The following FBXO11 variants were observed in gnomAD, a reference collection of about 807,000 sequenced individuals.
FBXO11 encodes F-box protein 11, also known as F-box only protein 11.
A neutral mutation model predicts 117.0 loss-of-function variants in FBXO11; 13 were observed. That is an observed-to-expected ratio of 0.11 (90% CI 0.07 to 0.18). The LOEUF is 0.18. Ranked by LOEUF, FBXO11 falls within the 10% of genes least tolerant of loss-of-function variation. The pLI is 1.00. For missense variants in FBXO11, 767 were observed against 1,164.4 expected (o/e 0.66, Z 4.97); for synonymous variants, 490 against 380.5 (o/e 1.29, Z -3.35).
intron 13 of FBXO11, 114 bp downstream of exon 13, chr2:47,822,104 T>TA: frequency 1.4e-6 from 1 of 724,234 alleles, no homozygotes. Context: ...AGAAAAAAAT[T>TA]AAAGAGCTGG....
intron 1 of FBXO11, among the ~76,000 whole-genome samples, chr2:47,864,793 G>A (rs1463052580): frequency 6.6e-6 from 1 of 152,200 alleles, no homozygotes. Context: ...TCAAGTGACA[G>A]AATTGAAAAG....
intron 1 of FBXO11, among the ~76,000 whole-genome samples, chr2:47,861,469 C>A (rs186525968): frequency 2.5e-4 from 38 of 152,128 alleles, no homozygotes; most frequent in African/African-American, 8.7e-4. Context: ...CAGGTGCATA[C>A]CACCATGCCC....
chr2:47,897,800 C>G (rs1318340794), intron 1 of FBXO11, among the ~76,000 whole-genome samples: 1 of 150,910 alleles, frequency 6.6e-6, no homozygotes, highest in East Asian at 1.9e-4. Flanking sequence ...GTGTTGTTCA[C>G]TAGGAAAAAA....
intron 1 of FBXO11, among the ~76,000 whole-genome samples, chr2:47,871,975 T>C (rs1215184930): frequency 6.6e-6 from 1 of 152,238 alleles, no homozygotes; most frequent in African/African-American, 2.4e-5. Context: ...TCTTTAATGA[T>C]CCTTATTTAT....
At chr2:47,820,215 G>C (rs756123279) in intron 14 of FBXO11, 147 bp downstream of exon 14, 3 of 468,968 alleles carry the variant, frequency 6.4e-6, no homozygotes, top group East Asian at 3.1e-5. Context: ...GGGAGAAGAA[G>C]AACGTTATTT....
chr2:47,808,634 T>C, intron 21 of FBXO11: 1 of 488,986 alleles, frequency 2.0e-6, no homozygotes, highest in Non-Finnish European at 3.6e-6. Flanking sequence ...AGAGAAATGA[T>C]TTGTAAATTG....
intron 1 of FBXO11, among the ~76,000 whole-genome samples, chr2:47,866,516 C>T (rs959723166): frequency 1.3e-5 from 2 of 151,532 alleles, no homozygotes; most frequent in African/African-American, 4.9e-5. Flanking sequence ...GCTCTGTCGC[C>T]AGGCTGGAGT....
At chr2:47,871,124 T>C (rs565967138) in intron 1 of FBXO11, among the ~76,000 whole-genome samples, 2 of 152,276 alleles carry the variant, frequency 1.3e-5, no homozygotes, top group East Asian at 1.9e-4. Context: ...GAAGTGGTGA[T>C]AGTATGCAAT....
chr2:47,905,529 AGGCGGCGGT>A lies in FBXO11; in HGVS notation c.183_191del (p.Pro64_Pro66del), dbSNP rs764506114. The A allele has an allele frequency of 4.1e-5, 51 of 1,235,244 alleles. No homozygotes were observed. The highest frequency in any genetic ancestry group is 1.0e-4 in the East Asian group (3 of 28,798). 76.5% of individuals were successfully genotyped at this position (1,235,244 alleles called of 1,614,324 possible). A position where few individuals can be genotyped will look rare whatever the true frequency, so the allele number is the denominator to read the frequency against. The stretch of plus-strand genomic sequence containing the variant: ...TGTTCCGCTCCTGAGGCAGCGGCGG[AGGCGGCGGT>A]GGCGGCGGCGGAGGCTGCTGCTGCT... On this transcript the variant is annotated inframe_deletion, in exon 1 of 23. Coordinates refer to ENST00000403359, the MANE Select transcript of FBXO11 (RefSeq NM_001190274.2).
intron 3 of FBXO11, 149 bp downstream of exon 3, chr2:47,839,270 A>T (rs1672836943): frequency 4.0e-6 from 3 of 757,278 alleles, no homozygotes; most frequent in Non-Finnish European, 6.2e-6. Flanking sequence ...AGTCAGAGGG[A>T]GAGGTCAGGG....
chr2:47,894,349 G>T (rs955191000), intron 1 of FBXO11, among the ~76,000 whole-genome samples: 1 of 152,102 alleles, frequency 6.6e-6, no homozygotes, highest in African/African-American at 2.4e-5. Flanking sequence ...AGAATATGCA[G>T]AAAACTAGAA....
At chr2:47,866,535 G>A (rs1211662347) in intron 1 of FBXO11, among the ~76,000 whole-genome samples, 1 of 151,104 alleles carries the variant, frequency 6.6e-6, no homozygotes, top group Non-Finnish European at 1.5e-5. Flanking sequence ...GTACAGTGGC[G>A]TGATCTAAGC....
intron 1 of FBXO11, among the ~76,000 whole-genome samples, chr2:47,859,919 T>TGCTTA: frequency 6.6e-6 from 1 of 152,340 alleles, no homozygotes; most frequent in African/African-American, 2.4e-5. Context: ...TTATCCTAAA[T>TGCTTA]GCTTAGTTTG....
intron 4 of FBXO11, among the ~76,000 whole-genome samples, chr2:47,838,567 G>C (rs550794563): frequency 6.6e-6 from 1 of 152,062 alleles, no homozygotes; most frequent in Non-Finnish European, 1.5e-5. Context: ...AAATTCATTA[G>C]CTATTTTAAA....
At chr2:47,810,491 G>A (rs1158053443) in intron 18 of FBXO11, 65 bp from the exon 19 acceptor site, 5 of 996,992 alleles carry the variant, frequency 5.0e-6, no homozygotes, top group Admixed American at 2.9e-5. Flanking sequence ...CTTTTTGGTG[G>A]TATTTAGGTT....
At position 47,835,896 on chromosome 2, in the gene FBXO11, G is replaced by A. The variant is rs554581892; in HGVS notation, c.693C>T (p.Pro231=). Residue 231 remains proline, a synonymous_variant, in exon 5 of 23, where the codon CCC becomes CCT. Coordinates refer to ENST00000403359, the MANE Select transcript of FBXO11 (RefSeq NM_001190274.2). ...CCAACTGCTGGAAACTCTCTTTCCA[G>A]GGATTTGGATGTTCATACTCTTCTG... The part of the protein sequence containing the change: ...INPEEYEHPN[P]WKESFQQLYK... 1.2e-6 allele frequency: 2 copies of A among 1,608,874 alleles called. No individual in the cohort carries two copies. The highest frequency in any genetic ancestry group is 1.1e-5 in the South Asian group (1 of 90,192).
At chr2:47,891,329 G>C (rs916400858) in intron 1 of FBXO11, among the ~76,000 whole-genome samples, 16 of 151,988 alleles carry the variant, frequency 1.1e-4, no homozygotes, top group Non-Finnish European at 1.9e-4. Context: ...TCCACTCTTT[G>C]ATTCTATAAA....
chr2:47,886,007 A>ATGC (rs780685484), intron 1 of FBXO11, among the ~76,000 whole-genome samples: 10,999 of 152,250 alleles, frequency 0.072, 562 homozygotes, highest in Non-Finnish European at 0.11. Flanking sequence ...TTCAATACTT[A>ATGC]ACCTCATGCA....
intron 1 of FBXO11, among the ~76,000 whole-genome samples, chr2:47,872,308 C>A (rs1441930741): frequency 6.6e-6 from 1 of 152,142 alleles, no homozygotes; most frequent in African/African-American, 2.4e-5. Flanking sequence ...GTATTAAAGT[C>A]AAAACTATTT....
Sources: gnomAD v4.1 joint callset for allele counts (sites outside exome capture counted in the v4.1 genomes callset) on GRCh38, gnomAD v4.1.1 for gene constraint, MANE v1.5 for transcripts, NCBI Gene and HGNC (gene_info 2026-07-23, HGNC 2026-07-21) for gene names.